Variants in NEO1 observed in about 807,000 individuals in gnomAD.
NEO1 encodes the protein neogenin.
In NEO1, 63 loss-of-function variants were observed where a neutral mutation model predicts 159.7. The ratio of observed to expected loss-of-function variants is 0.39; its 90% confidence interval spans 0.32 to 0.49. The LOEUF (loss-of-function observed/expected upper bound fraction) is 0.49. Among genes scored for constraint, NEO1 ranks in the 20% least tolerant of loss-of-function variants. The probability of loss-of-function intolerance (pLI) is 0.85; values close to 1 mark genes in which losing one functional copy is unlikely to be tolerated. For missense variants in NEO1, 1,615 were observed against 1,831.0 expected (o/e 0.88, Z 2.15); for synonymous variants, 633 against 662.0 (o/e 0.96, Z 0.67).
chr15:73,091,651 C>T (rs1348220741), intron 1 of NEO1, among the ~76,000 whole-genome samples: 1 of 151,930 alleles, frequency 6.6e-6, no homozygotes, highest in Non-Finnish European at 1.5e-5. Context: ...CAACCTTGAC[C>T]TCCCTGGGCT....
intron 1 of NEO1, among the ~76,000 whole-genome samples, chr15:73,061,889 A>C (rs750778410): frequency 2.6e-5 from 4 of 152,240 alleles, no homozygotes; most frequent in Non-Finnish European, 5.9e-5. Flanking sequence ...GTTGATAGCC[A>C]TATGAAATTG....
chr15:73,252,970 A>G (rs998849242), intron 11 of NEO1, among the ~76,000 whole-genome samples: 1 of 151,072 alleles, frequency 6.6e-6, no homozygotes, highest in Non-Finnish European at 1.5e-5. Flanking sequence ...AGCCTGGGCA[A>G]CAAGGGTGAA....
chr15:73,259,445 G>T (rs1181067721), intron 14 of NEO1, among the ~76,000 whole-genome samples: 1 of 145,042 alleles, frequency 6.9e-6, no homozygotes. Context: ...CTGCAGCCTC[G>T]ACCTCCCATG....
chr15:73,098,236 C>T (rs56827454), intron 1 of NEO1, among the ~76,000 whole-genome samples: 398 of 152,206 alleles, frequency 2.6e-3, no homozygotes, highest in African/African-American at 8.5e-3. Context: ...TAAATTCTCT[C>T]GAACTAGTTC....
intron 2 of NEO1, among the ~76,000 whole-genome samples, chr15:73,118,195 C>T (rs1294802027): frequency 6.6e-6 from 1 of 152,066 alleles, no homozygotes; most frequent in East Asian, 1.9e-4. Context: ...TTCTCCTTCC[C>T]GAGGCTACTC....
At chr15:73,145,441 T>C (rs2032807628) in intron 5 of NEO1, among the ~76,000 whole-genome samples, 1 of 152,180 alleles carries the variant, frequency 6.6e-6, no homozygotes, top group African/African-American at 2.4e-5. Context: ...TAATTTGTTT[T>C]GATGAAATAA....
In NEO1 at chr15:73,278,216, G is replaced by T. The variant is rs558698350; in HGVS notation, c.3262+17G>T. On this transcript the variant is annotated intron_variant, in intron 22 of 28. Coordinates refer to ENST00000261908, the MANE Select transcript of NEO1 (RefSeq NM_002499.4). ...CAATGAGCGGTAAAGCCTTTCCCATGGCGTTTTTTGCTTACTATGGACATG... is the reference window on the plus strand; with the variant it reads ...CAATGAGCGGTAAAGCCTTTCCCATTGCGTTTTTTGCTTACTATGGACATG... 1,091 of 1,606,654 alleles carry T rather than the reference G, an allele frequency of 6.8e-4. 10 individuals are homozygous for T. In the South Asian group the frequency reaches 0.011, roughly 17 times the overall value.
chr15:73,074,193 A>G (rs2068663396), intron 1 of NEO1, among the ~76,000 whole-genome samples: 1 of 152,226 alleles, frequency 6.6e-6, no homozygotes, highest in Non-Finnish European at 1.5e-5. Flanking sequence ...GGCATAGTTC[A>G]GGTACCTTGT....
intron 14 of NEO1, 133 bp downstream of exon 14, chr15:73,259,009 T>C (rs550884155): frequency 5.7e-6 from 4 of 697,538 alleles, no homozygotes; most frequent in African/African-American, 5.3e-5. Context: ...GCTGCTGTTG[T>C]TCCTGTATTG....
intron 23 of NEO1, among the ~76,000 whole-genome samples, chr15:73,283,529 C>T (rs1045656235): frequency 3.3e-5 from 5 of 152,176 alleles, no homozygotes; most frequent in Admixed American, 2.0e-4. Flanking sequence ...CTCCTCCCAG[C>T]GGGCAGTGGC....
chr15:73,091,908 A>T (rs1399738116), intron 1 of NEO1, among the ~76,000 whole-genome samples: 1 of 151,930 alleles, frequency 6.6e-6, no homozygotes, highest in Non-Finnish European at 1.5e-5. Flanking sequence ...GTTAAGGCAT[A>T]AGCCACCGTG....
rs148015265 is a variant in NEO1, at chr15:73,119,693, T to C, written c.449-2832T>C. Among the ~76,000 whole-genome samples, 512 of 152,318 alleles carry C rather than the reference T, an allele frequency of 3.4e-3. 2 individuals are homozygous for C. Among genetic ancestry groups the C allele is most frequent in the Non-Finnish European group, 5.2e-3 (356 of 68,006 alleles). ...AGCTGCAGCGTTCCCTGCCTTGTTA[T>C]GTCAGTTACTAGTCCTCCATCTGCT... is the stretch of plus-strand genomic sequence containing the variant. On this transcript the variant is annotated intron_variant, in intron 2 of 28. Coordinates refer to ENST00000261908, the MANE Select transcript of NEO1 (RefSeq NM_002499.4).
rs971253685 is a variant in NEO1 at position 73,303,552 on chromosome 15, C to G, written c.*856C>G. On this transcript the variant is annotated 3_prime_UTR_variant, in exon 29 of 29. Coordinates refer to ENST00000261908, the MANE Select transcript of NEO1 (RefSeq NM_002499.4). ...GCTGAGGTCCTGTGAATGTTTCTGT[C>G]ATTGTACTTTCTTCCAGAAGCCTGC... The G allele has an allele frequency of 6.6e-6, 1 of 152,134 alleles. No individual in the cohort carries two copies. The highest frequency in any genetic ancestry group is 1.5e-5 in the Non-Finnish European group (1 of 68,044). The allele number at this position is 152,134 out of a possible 1,614,324, so 9.4% of individuals were successfully genotyped here. A position where few individuals can be genotyped will look rare whatever the true frequency, so the allele number is the denominator to read the frequency against.
At chr15:73,258,988 T>G (rs189521757) in intron 14 of NEO1, 112 bp downstream of exon 14, 3 of 822,804 alleles carry the variant, frequency 3.6e-6, no homozygotes, top group Non-Finnish European at 6.0e-6. Flanking sequence ...CTGTGAACTT[T>G]AGTGCATCAC....
rs915472626 is a variant in NEO1 at position 73,304,814 on chromosome 15, G to C, written c.*2118G>C. 1.3e-5 allele frequency: 2 copies of C among 152,322 alleles called. No homozygotes were observed. Among genetic ancestry groups the C allele is most frequent in the South Asian group, 2.1e-4 (1 of 4,828 alleles). The allele number at this position is 152,322 out of a possible 1,614,324, so 9.4% of individuals were successfully genotyped here. A position where few individuals can be genotyped will look rare whatever the true frequency, so the allele number is the denominator to read the frequency against. On this transcript the variant is annotated 3_prime_UTR_variant, in exon 29 of 29. Transcript: ENST00000261908. ...ATACTGCCACAGAATTGGGGCGGGTGGGGGAGGGGCCTATTTTTAAATAAA... is the reference window on the plus strand; with the variant it reads ...ATACTGCCACAGAATTGGGGCGGGTCGGGGAGGGGCCTATTTTTAAATAAA...
In NEO1 at chr15:73,260,437, A is replaced by G; in HGVS notation, c.2370A>G (p.Lys790=). Residue 790 remains lysine (K), a synonymous_variant, in exon 15 of 29, where the codon AAA becomes AAG. Coordinates refer to ENST00000261908, the MANE Select transcript of NEO1 (RefSeq NM_002499.4). ...PHAQTIKVDY[K]QRYYTIENLD... ...CCCAGACCATCAAAGTGGACTATAA[A>G]CAGCGCTATTACACCATTGAAAATC... The G allele has an allele frequency of 6.2e-7, 1 of 1,613,460 alleles. No homozygotes were observed. The highest frequency in any genetic ancestry group is 8.5e-7 in the Non-Finnish European group (1 of 1,179,550).
At chr15:73,131,287 A>C (rs550580473) in intron 4 of NEO1, among the ~76,000 whole-genome samples, 2 of 152,370 alleles carry the variant, frequency 1.3e-5, no homozygotes, top group South Asian at 4.1e-4. Context: ...TCATCATAGC[A>C]TCACTTCAGT....
chr15:73,073,713 C>T (rs762398204), intron 1 of NEO1, among the ~76,000 whole-genome samples: 9 of 151,918 alleles, frequency 5.9e-5, no homozygotes, highest in South Asian at 2.1e-4. Flanking sequence ...TTTTGCTGTA[C>T]GTGATAAGCA....
intron 1 of NEO1, among the ~76,000 whole-genome samples, chr15:73,066,442 C>T (rs539604250): frequency 6.8e-6 from 1 of 147,256 alleles, no homozygotes; most frequent in Non-Finnish European, 1.5e-5. Context: ...GCTTTTATGT[C>T]TGTTTTATCA....
Sources: allele counts gnomAD v4.1 joint callset (sites outside exome capture counted in the v4.1 genomes callset), GRCh38; gene constraint gnomAD v4.1.1; transcripts MANE v1.5; gene names NCBI Gene and HGNC (gene_info 2026-07-23, HGNC 2026-07-21).